MYRIP: variants seen among roughly 807,000 people sequenced by gnomAD.
MYRIP encodes rab effector MyRIP.
A neutral mutation model predicts 98.0 loss-of-function variants in MYRIP; 49 were observed. The observed-to-expected ratio is 0.50, with a 90% CI of 0.40 to 0.63. The LOEUF (loss-of-function observed/expected upper bound fraction) is 0.63. Ranked by LOEUF, MYRIP falls within the 30% of genes least tolerant of loss-of-function variation. The pLI is 0.00. For missense variants in MYRIP, 1,004 were observed against 1,058.2 expected (o/e 0.95, Z 0.71); for synonymous variants, 404 against 409.5 (o/e 0.99, Z 0.16).
At chr3:40,008,933 T>C (rs1360690502) in intron 2 of MYRIP, among the ~76,000 whole-genome samples, 2 of 152,214 alleles carry the variant, frequency 1.3e-5, no homozygotes, top group Admixed American at 1.3e-4. Context: ...GTCCGTCTGC[T>C]CCCTGTGTGC....
At chr3:39,874,735 C>T (rs138207704) in intron 1 of MYRIP, among the ~76,000 whole-genome samples, 7,788 of 152,146 alleles carry the variant, frequency 0.051, 226 homozygotes, top group African/African-American at 0.067. Context: ...CTGCTGGATT[C>T]GGTTTACCAG....
chr3:40,253,166 G>A (rs1953435189), intron 16 of MYRIP, among the ~76,000 whole-genome samples: 1 of 152,090 alleles, frequency 6.6e-6, no homozygotes, highest in Non-Finnish European at 1.5e-5. Flanking sequence ...CCCAACACAG[G>A]TATGCTCTAA....
chr3:40,003,339 T>A (rs903559810), intron 2 of MYRIP, among the ~76,000 whole-genome samples: 1 of 152,098 alleles, frequency 6.6e-6, no homozygotes, highest in Non-Finnish European at 1.5e-5. Flanking sequence ...AGATTGGAGC[T>A]CTAGAAAGAA....
Position 39,930,167 on chromosome 3 carries a change from A to G in MYRIP, c.110+29241A>G, listed in dbSNP as rs1164302121. 2.6e-5 allele frequency among the ~76,000 whole-genome samples: 4 copies of G among 151,916 alleles called. No individual in the cohort carries two copies. In the East Asian group the frequency reaches 7.7e-4, roughly 29 times the overall value. ...AAAGGCTGTATCATTTTATATTCCC[A>G]CCAGCAATGTATGAGGGTTCCAGTT... On this transcript the variant is annotated intron_variant, in intron 2 of 16. Coordinates refer to ENST00000302541, the MANE Select transcript of MYRIP (RefSeq NM_015460.4).
intron 8 of MYRIP, among the ~76,000 whole-genome samples, chr3:40,171,995 TA>T (rs914460254): frequency 1.3e-5 from 2 of 152,144 alleles, no homozygotes; most frequent in African/African-American, 4.8e-5. Flanking sequence ...CTCCCCCTTA[TA>T]AAACCATCAG....
chr3:39,981,588 CT>C (rs1301234048), intron 2 of MYRIP, among the ~76,000 whole-genome samples: 5 of 152,160 alleles, frequency 3.3e-5, no homozygotes, highest in Non-Finnish European at 7.4e-5. Context: ...CCATTACTCC[CT>C]TTTCATGTTG....
chr3:39,865,341 A>G (rs1942588096), intron 1 of MYRIP, among the ~76,000 whole-genome samples: 1 of 152,174 alleles, frequency 6.6e-6, no homozygotes, highest in Non-Finnish European at 1.5e-5. Flanking sequence ...CCCAACAGAA[A>G]CTATTAACAG....
chr3:39,813,390 A>G (rs560137851), intron 1 of MYRIP, among the ~76,000 whole-genome samples: 5 of 152,324 alleles, frequency 3.3e-5, no homozygotes, highest in Non-Finnish European at 7.3e-5. Flanking sequence ...TGCTGTTTAG[A>G]AGATTGTATT....
chr3:40,127,361 C>T (rs192915882), intron 3 of MYRIP, among the ~76,000 whole-genome samples: 4 of 152,226 alleles, frequency 2.6e-5, no homozygotes, highest in East Asian at 1.9e-4. Context: ...TTGGTCACTT[C>T]GGTGGTAAAT....
At chr3:40,079,913 A>G (rs72871500) in intron 3 of MYRIP, among the ~76,000 whole-genome samples, 2,534 of 152,330 alleles carry the variant, frequency 0.017, 56 homozygotes, top group African/African-American at 0.055. Flanking sequence ...AAGGTTTTCT[A>G]AGAAACTAAT....
At chr3:40,202,825 C>G (rs1308748271) in intron 10 of MYRIP, among the ~76,000 whole-genome samples, 1 of 152,084 alleles carries the variant, frequency 6.6e-6, no homozygotes, top group East Asian at 1.9e-4. Context: ...AGTGTGCACC[C>G]AAACAGTGTG....
chr3:40,250,204 T>C lies in MYRIP; in HGVS notation c.2263-18T>C. 6.3e-7 allele frequency: 1 copy of C among 1,577,352 alleles called. No individual in the cohort carries two copies. Among genetic ancestry groups the C allele is most frequent in the Non-Finnish European group, 8.7e-7 (1 of 1,147,714 alleles). On this transcript the variant is annotated intron_variant, in intron 13 of 16. Transcript: ENST00000302541. The stretch of plus-strand genomic sequence containing the variant: ...CCGTATTTTCTCCCTGCCAATCTTG[T>C]CTTTCTGTTGCTTTAAGATTTCAGA...
intron 3 of MYRIP, among the ~76,000 whole-genome samples, chr3:40,085,936 A>T (rs566255002): frequency 3.9e-5 from 6 of 152,234 alleles, no homozygotes; most frequent in Admixed American, 3.9e-4. Flanking sequence ...AGGTTTTCAT[A>T]CTTCACTCAA....
chr3:40,091,624 T>A (rs1338171278), intron 3 of MYRIP, among the ~76,000 whole-genome samples: 1 of 152,242 alleles, frequency 6.6e-6, no homozygotes, highest in African/African-American at 2.4e-5. Flanking sequence ...AGACACTTGC[T>A]GAGTATATTC....
chr3:39,889,465 T>G (rs1260233166), intron 1 of MYRIP, among the ~76,000 whole-genome samples: 1 of 151,876 alleles, frequency 6.6e-6, no homozygotes, highest in Admixed American at 6.6e-5. Flanking sequence ...CACTCATAGG[T>G]GGAAACTGAA....
chr3:39,864,687 A>G (rs1296343351), intron 1 of MYRIP, among the ~76,000 whole-genome samples: 2 of 152,238 alleles, frequency 1.3e-5, no homozygotes, highest in Non-Finnish European at 2.9e-5. Context: ...ATGCTTATGG[A>G]TAGGAAGAAT....
At chr3:40,161,482 C>G (rs1950394124) in intron 4 of MYRIP, among the ~76,000 whole-genome samples, 2 of 152,154 alleles carry the variant, frequency 1.3e-5, no homozygotes, top group African/African-American at 4.8e-5. Flanking sequence ...CAGAGACTTG[C>G]CCTGGTGTGC....
chr3:40,199,679 A>T (rs1465972945), intron 10 of MYRIP, among the ~76,000 whole-genome samples: 2 of 152,284 alleles, frequency 1.3e-5, no homozygotes, highest in African/African-American at 4.8e-5. Flanking sequence ...CGAAAGGGTA[A>T]TCATTCCCCT....
intron 3 of MYRIP, among the ~76,000 whole-genome samples, chr3:40,070,045 C>A (rs899178040): frequency 1.3e-4 from 20 of 152,092 alleles, no homozygotes; most frequent in African/African-American, 4.8e-4. Flanking sequence ...AAAATATAAA[C>A]TAAGTATAAT....
Sources: gnomAD v4.1 joint callset for allele counts (sites outside exome capture counted in the v4.1 genomes callset) on GRCh38, gnomAD v4.1.1 for gene constraint, MANE v1.5 for transcripts, NCBI Gene and HGNC (gene_info 2026-07-23, HGNC 2026-07-21) for gene names.